Variants in SORCS1 observed in about 807,000 individuals in gnomAD.
SORCS1 encodes sortilin related VPS10 domain containing receptor 1, also known as VPS10 domain-containing receptor SorCS1.
SORCS1 carries 60 observed loss-of-function variants against 146.1 expected under a neutral mutation model. That is an observed-to-expected ratio of 0.41 (90% CI 0.33 to 0.51). The LOEUF is 0.51. SORCS1 is among the 20% of genes least tolerant of loss of function. The pLI is 0.21. For missense variants in SORCS1, 1,352 were observed against 1,487.6 expected (o/e 0.91, Z 1.50); for synonymous variants, 637 against 584.0 (o/e 1.09, Z -1.31).
intron 1 of SORCS1, among the ~76,000 whole-genome samples, chr10:107,010,575 C>T (rs575963348): frequency 7.2e-4 from 109 of 152,274 alleles, no homozygotes; most frequent in Non-Finnish European, 1.3e-3. Flanking sequence ...CGCTTTGTGA[C>T]GTCAAGCTGC....
At chr10:107,103,469 C>T (rs950415178) in intron 1 of SORCS1, among the ~76,000 whole-genome samples, 1 of 152,202 alleles carries the variant, frequency 6.6e-6, no homozygotes, top group African/African-American at 2.4e-5. Flanking sequence ...TTGCTCATTG[C>T]TTTTCAATGC....
At chr10:106,743,983 C>A (rs1235508739) in intron 5 of SORCS1, among the ~76,000 whole-genome samples, 1 of 152,030 alleles carries the variant, frequency 6.6e-6, no homozygotes, top group Non-Finnish European at 1.5e-5. Flanking sequence ...ACGAACACAG[C>A]GTAACACACG....
intron 4 of SORCS1, among the ~76,000 whole-genome samples, chr10:106,767,067 A>G (rs1367927899): frequency 6.6e-6 from 1 of 152,162 alleles, no homozygotes; most frequent in Non-Finnish European, 1.5e-5. Flanking sequence ...AGAGCCTGGA[A>G]CCAGGCTGGG....
chr10:106,988,386 G>C (rs1956585877), intron 1 of SORCS1, among the ~76,000 whole-genome samples: 1 of 152,142 alleles, frequency 6.6e-6, no homozygotes, highest in South Asian at 2.1e-4. Context: ...ACTACCACTG[G>C]CTAAGGTAAG....
Position 106,829,680 on chromosome 10 carries a change from T to C in SORCS1, c.627-7A>G. 1 of 1,598,266 alleles carries C rather than the reference T, an allele frequency of 6.3e-7. No individual in the cohort carries two copies. Among genetic ancestry groups the C allele is most frequent in the Non-Finnish European group, 8.6e-7 (1 of 1,167,048 alleles). ...TGTTCCATAATCGGTTGACCTATAA[T>C]CCAAAAAGAGCATTAATGAGGACAG... On this transcript the variant is annotated splice_polypyrimidine_tract_variant and splice_region_variant and intron_variant, in intron 2 of 25. Transcript: ENST00000263054.
chr10:107,150,160 T>G (rs781768847), intron 1 of SORCS1, among the ~76,000 whole-genome samples: 1 of 152,220 alleles, frequency 6.6e-6, no homozygotes, highest in African/African-American at 2.4e-5. Flanking sequence ...GATCAGATCT[T>G]ATTCATCTTT....
intron 1 of SORCS1, among the ~76,000 whole-genome samples, chr10:107,061,616 T>C (rs1961241374): frequency 6.6e-6 from 1 of 152,202 alleles, no homozygotes; most frequent in African/African-American, 2.4e-5. Flanking sequence ...TTTTTGCCTT[T>C]TGTGAACAAG....
At chr10:107,027,027 T>C in intron 1 of SORCS1, among the ~76,000 whole-genome samples, 1 of 120,984 alleles carries the variant, frequency 8.3e-6, no homozygotes, top group South Asian at 2.5e-4. Context: ...TGTGTATATA[T>C]ATATATAAAA....
chr10:107,141,931 C>T (rs1228684205), intron 1 of SORCS1, among the ~76,000 whole-genome samples: 5 of 152,216 alleles, frequency 3.3e-5, no homozygotes, highest in Admixed American at 3.3e-4. Context: ...ATTCCTTCTC[C>T]TAGACTTGCA....
chr10:106,861,763 C>A (rs1300026370), intron 2 of SORCS1, among the ~76,000 whole-genome samples: 1 of 152,060 alleles, frequency 6.6e-6, no homozygotes, highest in African/African-American at 2.4e-5. Flanking sequence ...GTGGCATGCA[C>A]CTGTAGTCCC....
intron 2 of SORCS1, among the ~76,000 whole-genome samples, chr10:106,858,607 C>CAAAAA (rs71482495): frequency 3.1e-4 from 25 of 81,044 alleles, no homozygotes; most frequent in East Asian, 3.6e-4. Flanking sequence ...GCCTCTGTCT[C>CAAAAA]AAAAAAAAAA....
chr10:106,618,839 C>T (rs982931192), intron 20 of SORCS1, among the ~76,000 whole-genome samples: 1 of 151,946 alleles, frequency 6.6e-6, no homozygotes, highest in Non-Finnish European at 1.5e-5. Flanking sequence ...GAAGTAGCTG[C>T]TGTGGAAACA....
At chr10:107,000,858 G>C (rs1167939545) in intron 1 of SORCS1, among the ~76,000 whole-genome samples, 2 of 152,096 alleles carry the variant, frequency 1.3e-5, no homozygotes, top group Non-Finnish European at 2.9e-5. Context: ...TGCCAGTTTA[G>C]GGAAGGGTAG....
At chr10:107,160,010 G>A (rs1969583460) in intron 1 of SORCS1, among the ~76,000 whole-genome samples, 1 of 152,192 alleles carries the variant, frequency 6.6e-6, no homozygotes, top group Non-Finnish European at 1.5e-5. Flanking sequence ...GAATCACCAG[G>A]TGCAGATTCC....
At chr10:107,153,085 T>C (rs942778091) in intron 1 of SORCS1, among the ~76,000 whole-genome samples, 1 of 152,062 alleles carries the variant, frequency 6.6e-6, no homozygotes, top group Non-Finnish European at 1.5e-5. Context: ...TCTCCCTCCT[T>C]CATTTTCTCC....
chr10:107,064,242 C>G (rs1007813225), intron 1 of SORCS1, among the ~76,000 whole-genome samples: 16 of 152,076 alleles, frequency 1.1e-4, no homozygotes, highest in Admixed American at 4.6e-4. Context: ...TCTTAGAATC[C>G]TAAACCCCGA....
chr10:107,138,369 T>C (rs1297179505), intron 1 of SORCS1, among the ~76,000 whole-genome samples: 1 of 152,256 alleles, frequency 6.6e-6, no homozygotes, highest in Non-Finnish European at 1.5e-5. Context: ...TATTATTCTT[T>C]ACGAGGATCT....
intron 16 of SORCS1, 53 bp from the exon 17 acceptor site, chr10:106,667,855 A>T: frequency 7.5e-7 from 1 of 1,342,210 alleles, no homozygotes; most frequent in Non-Finnish European, 1.1e-6. Flanking sequence ...AATTACTGAA[A>T]ACAATTCTAC....
At chr10:107,148,466 T>C (rs917422037) in intron 1 of SORCS1, among the ~76,000 whole-genome samples, 6 of 152,168 alleles carry the variant, frequency 3.9e-5, no homozygotes, top group African/African-American at 1.2e-4. Flanking sequence ...GATTTTCCAG[T>C]CACTTAAAAA....
Sources: allele counts gnomAD v4.1 joint callset (sites outside exome capture counted in the v4.1 genomes callset), GRCh38; gene constraint gnomAD v4.1.1; transcripts MANE v1.5; gene names NCBI Gene and HGNC (gene_info 2026-07-23, HGNC 2026-07-21).